MEGF6: variants seen among roughly 807,000 people sequenced by gnomAD.
The protein encoded by MEGF6 is multiple epidermal growth factor-like domains protein 6.
A neutral mutation model predicts 207.1 loss-of-function variants in MEGF6; 184 were observed. The ratio of observed to expected loss-of-function variants is 0.89; its 90% confidence interval spans 0.79 to 1.00. The LOEUF (loss-of-function observed/expected upper bound fraction) is 1.00. MEGF6 is among the 50% of genes least tolerant of loss of function. The probability of loss-of-function intolerance (pLI) is 0.00; values close to 1 mark genes in which losing one functional copy is unlikely to be tolerated. For synonymous variants in MEGF6, 1,038 were observed against 910.0 expected, an observed-to-expected ratio of 1.14 and a Z score of -2.53; for missense variants, 2,282 against 2,202.9, an observed-to-expected ratio of 1.04 and a Z score of -0.72.
rs767061569 is a variant in MEGF6 at position 3,594,423 on chromosome 1, T to C, written c.376+915A>G. 6.6e-6 allele frequency among the ~76,000 whole-genome samples: 1 copy of C among 152,170 alleles called. No individual in the cohort carries two copies. Among genetic ancestry groups the C allele is most frequent in the East Asian group, 1.9e-4 (1 of 5,186 alleles). On this transcript the variant is annotated intron_variant, in intron 3 of 36. Coordinates refer to ENST00000356575, the MANE Select transcript of MEGF6 (RefSeq NM_001409.4). The surrounding 1 kb of genome is among the most constrained non-coding windows in gnomAD (Gnocchi z 4.2). Reference sequence around the variant, plus strand: ...CAGCCTGGTTGACAGAGTAAGACCTTACCTCTAAAAAATAAACATAAAAAG... The same window carrying C: ...CAGCCTGGTTGACAGAGTAAGACCTCACCTCTAAAAAATAAACATAAAAAG...
At chr1:3,538,696 C>CTG (rs57325073) in intron 4 of MEGF6, among the ~76,000 whole-genome samples, 3,758 of 132,018 alleles carry the variant, frequency 0.028, 77 homozygotes, top group Middle Eastern at 0.049. Flanking sequence ...GAGCATGTGC[C>CTG]TGTGTGTGTG....
rs1640761953 is a variant in MEGF6 at position 3,499,582 on chromosome 1, A to T, written c.2965+6T>A. The T allele has an allele frequency of 1.3e-6, 2 of 1,573,864 alleles. No homozygotes were observed. The highest frequency in any genetic ancestry group is 1.7e-6 in the Non-Finnish European group (2 of 1,161,792). The stretch of plus-strand genomic sequence containing the variant: ...GCACCCCGGGCTGAGCAGGGACCTC[A>T]CGCACTCTCGGCACAGCGGGGGCCC... On this transcript the variant is annotated splice_donor_region_variant and intron_variant, in intron 23 of 36. Coordinates refer to ENST00000356575, the MANE Select transcript of MEGF6 (RefSeq NM_001409.4).
intron 4 of MEGF6, among the ~76,000 whole-genome samples, chr1:3,542,165 T>G (rs1311670287): frequency 1.3e-5 from 2 of 152,094 alleles, no homozygotes; most frequent in Admixed American, 1.3e-4. Flanking sequence ...AGCAGCACAG[T>G]GTCGGGGCTG....
At chr1:3,497,718 ACTGAGGCGACGGGAGCCAGCGACAGCC>A in intron 26 of MEGF6, 1 of 420,282 alleles carries the variant, frequency 2.4e-6, no homozygotes, top group Non-Finnish European at 4.5e-6. Context: ...GGGGCTCAGC[ACTGAGGCGACGGGAGCCAGCGACAGCC>A]CTGAGGCCAG....
chr1:3,525,361 C>T (rs575839757), intron 4 of MEGF6, among the ~76,000 whole-genome samples: 1 of 152,342 alleles, frequency 6.6e-6, no homozygotes, highest in African/African-American at 2.4e-5. Flanking sequence ...AGGAAGGGGT[C>T]GAGAGCAGCC....
intron 2 of MEGF6, among the ~76,000 whole-genome samples, chr1:3,597,077 G>A (rs958788859): frequency 1.3e-5 from 2 of 152,208 alleles, no homozygotes; most frequent in Non-Finnish European, 2.9e-5. Flanking sequence ...GCCCCTGTGA[G>A]GACCGCCCAC....
intron 4 of MEGF6, among the ~76,000 whole-genome samples, chr1:3,557,403 C>T (rs184236024): frequency 1.3e-5 from 2 of 152,334 alleles, no homozygotes; most frequent in East Asian, 1.9e-4. Context: ...GCCCTTGGCT[C>T]CCAGGGTGGC....
At chr1:3,591,613 C>A (rs532968100) in intron 3 of MEGF6, among the ~76,000 whole-genome samples, 2 of 151,962 alleles carry the variant, frequency 1.3e-5, no homozygotes, top group East Asian at 1.9e-4. Flanking sequence ...GGGGCGCGGG[C>A]GAGGGGGCTG....
chr1:3,506,367 A>G lies in MEGF6; in HGVS notation c.1790-131T>C. Reference sequence around the variant, plus strand: ...TGGGAGCAGCCCCCGCCAGGGCACTAGGTGAGCCTTCCGGATGTGGCCGTC... The same window carrying G: ...TGGGAGCAGCCCCCGCCAGGGCACTGGGTGAGCCTTCCGGATGTGGCCGTC... On this transcript the variant is annotated intron_variant, in intron 14 of 36. Coordinates refer to ENST00000356575, the MANE Select transcript of MEGF6 (RefSeq NM_001409.4). 2.6e-6 allele frequency: 3 copies of G among 1,165,802 alleles called. No individual in the cohort carries two copies. In the East Asian group the frequency reaches 7.8e-5, roughly 30 times the overall value. The allele number at this position is 1,165,802 out of a possible 1,614,324, so 72.2% of individuals were successfully genotyped here.
intron 17 of MEGF6, among the ~76,000 whole-genome samples, chr1:3,502,874 T>C (rs549531220): frequency 1.3e-5 from 2 of 152,280 alleles, no homozygotes; most frequent in East Asian, 3.9e-4. Flanking sequence ...GGAGCTCGGG[T>C]AGCAGCGAAG....
At chr1:3,601,537 C>T (rs1320640002) in intron 2 of MEGF6, among the ~76,000 whole-genome samples, 3 of 152,158 alleles carry the variant, frequency 2.0e-5, no homozygotes, top group Non-Finnish European at 2.9e-5. Flanking sequence ...TGGGCCGGGT[C>T]GTCTGTTCGG....
At chr1:3,614,683 GAAGT>G (rs761297853), upstream of MEGF6, among the ~76,000 whole-genome samples, 2 of 152,226 alleles carry the variant, frequency 1.3e-5, no homozygotes, top group Non-Finnish European at 2.9e-5. Flanking sequence ...CCATTGCTTA[GAAGT>G]AAGCACTAAG....
chr1:3,495,302 A>C (rs1342623995), intron 30 of MEGF6, among the ~76,000 whole-genome samples: 1 of 152,168 alleles, frequency 6.6e-6, no homozygotes. Context: ...TGAGCCCAGA[A>C]GGCCAAGAAC....
At chr1:3,509,304 C>A in intron 11 of MEGF6, 59 bp from the exon 12 acceptor site, 1 of 1,374,378 alleles carries the variant, frequency 7.3e-7, no homozygotes, top group South Asian at 1.6e-5. Context: ...TCCAGCGACC[C>A]CCCGGCGGGT....
intron 4 of MEGF6, among the ~76,000 whole-genome samples, chr1:3,533,969 C>T (rs1642251608): frequency 6.6e-6 from 1 of 152,194 alleles, no homozygotes; most frequent in Non-Finnish European, 1.5e-5. Context: ...GCACCAGCCG[C>T]ACCCTCAGGA....
At chr1:3,577,974 G>T (rs1643689137) in intron 4 of MEGF6, among the ~76,000 whole-genome samples, 1 of 152,246 alleles carries the variant, frequency 6.6e-6, no homozygotes, top group South Asian at 2.1e-4. Flanking sequence ...GATGCCCCGG[G>T]GTCCACGCGT....
chr1:3,590,645 T>A (rs1193911083), intron 3 of MEGF6, among the ~76,000 whole-genome samples: 1 of 151,882 alleles, frequency 6.6e-6, no homozygotes, highest in Non-Finnish European at 1.5e-5. Context: ...CACGGCCGGG[T>A]GTCCAGGTCA....
At chr1:3,598,315 C>T (rs1450449110) in intron 2 of MEGF6, among the ~76,000 whole-genome samples, 1 of 152,210 alleles carries the variant, frequency 6.6e-6, no homozygotes, top group Admixed American at 6.5e-5. Context: ...CAGTGGCCGG[C>T]CGGCGGGCGG....
chr1:3,511,403 C>T, intron 9 of MEGF6, 147 bp downstream of exon 9: 1 of 1,039,590 alleles, frequency 9.6e-7, no homozygotes, highest in Non-Finnish European at 1.3e-6. Flanking sequence ...ACCTGCCCTA[C>T]CACCCCGCCA....
Sources: allele counts gnomAD v4.1 joint callset (sites outside exome capture counted in the v4.1 genomes callset), GRCh38; gene constraint gnomAD v4.1.1; non-coding constraint Gnocchi (gnomAD v3.1); transcripts MANE v1.5; gene names NCBI Gene and HGNC (gene_info 2026-07-23, HGNC 2026-07-21).